SPON1: variants seen among roughly 807,000 people sequenced by gnomAD.
SPON1 encodes spondin-1.
A neutral mutation model predicts 111.7 loss-of-function variants in SPON1; 52 were observed. That is an observed-to-expected ratio of 0.47 (90% CI 0.37 to 0.59). SPON1 has a LOEUF of 0.59. Ranked by LOEUF, SPON1 falls within the 20% of genes least tolerant of loss-of-function variation. The probability of loss-of-function intolerance (pLI) is 0.00; values close to 1 mark genes in which losing one functional copy is unlikely to be tolerated. For missense variants in SPON1, 957 were observed against 1,068.5 expected, an observed-to-expected ratio of 0.90 and a Z score of 1.46; for synonymous variants, 410 against 395.8, an observed-to-expected ratio of 1.04 and a Z score of -0.43.
At chr11:14,150,689 A>G (rs1173098137) in intron 6 of SPON1, among the ~76,000 whole-genome samples, 2 of 152,202 alleles carry the variant, frequency 1.3e-5, no homozygotes, top group African/African-American at 2.4e-5. Flanking sequence ...AAAATGTCTC[A>G]TTAATGTTTT....
chr11:13,973,965 T>C (rs1848083318), intron 1 of SPON1, among the ~76,000 whole-genome samples: 1 of 152,224 alleles, frequency 6.6e-6, no homozygotes, highest in Admixed American at 6.5e-5. Flanking sequence ...GAGCACTGGC[T>C]GAAGAAGGCC....
At chr11:14,126,482 T>G (rs557460354) in intron 5 of SPON1, among the ~76,000 whole-genome samples, 12 of 152,200 alleles carry the variant, frequency 7.9e-5, no homozygotes, top group Admixed American at 4.6e-4. Context: ...TTTAGACAAA[T>G]GCACCTGGTT....
intron 2 of SPON1, among the ~76,000 whole-genome samples, chr11:14,017,452 G>T (rs782318763): frequency 6.6e-6 from 1 of 152,182 alleles, no homozygotes; most frequent in African/African-American, 2.4e-5. Flanking sequence ...TCGTGTGCCT[G>T]CCTTAGAGAT....
chr11:14,111,396 A>G (rs1849225866), intron 5 of SPON1, among the ~76,000 whole-genome samples: 1 of 152,210 alleles, frequency 6.6e-6, no homozygotes, highest in African/African-American at 2.4e-5. Context: ...CTCCAGCACC[A>G]TATCTGATAT....
At chr11:14,068,704 C>G (rs1848852024) in intron 3 of SPON1, among the ~76,000 whole-genome samples, 1 of 152,206 alleles carries the variant, frequency 6.6e-6, no homozygotes, top group African/African-American at 2.4e-5. Context: ...TGGTCAACCT[C>G]ATTTCTACCA....
intron 3 of SPON1, among the ~76,000 whole-genome samples, chr11:14,053,860 A>G (rs1321142442): frequency 1.3e-5 from 2 of 152,222 alleles, no homozygotes; most frequent in Non-Finnish European, 2.9e-5. Context: ...ACAGTGCAAC[A>G]AAGTCATATA....
At chr11:14,186,885 T>C (rs1848291293) in intron 6 of SPON1, among the ~76,000 whole-genome samples, 1 of 152,226 alleles carries the variant, frequency 6.6e-6, no homozygotes, top group Non-Finnish European at 1.5e-5. Context: ...ACCCCCATTT[T>C]GCAGGAGAGG....
chr11:14,122,960 A>T (rs1847412176), intron 5 of SPON1, among the ~76,000 whole-genome samples: 1 of 137,458 alleles, frequency 7.3e-6, no homozygotes, highest in African/African-American at 2.8e-5. Flanking sequence ...TTGAGACAGG[A>T]TCTCCTTCTG....
At position 14,257,852 on chromosome 11, in the gene SPON1, C is replaced by A; in HGVS notation, c.1446C>A (p.Asp482Glu). 1 of 1,586,372 alleles carries A rather than the reference C, an allele frequency of 6.3e-7. No individual in the cohort carries two copies. The highest frequency in any genetic ancestry group is 8.6e-7 in the Non-Finnish European group (1 of 1,166,910). ...AQLDLSVPCP[D>E]TQDFQPCMGP... The stretch of plus-strand genomic sequence containing the variant: ...TGGACCTCAGCGTCCCCTGCCCTGA[C>A]ACCCAGGACTTCCAGCCCTGCATGG... The change falls in exon 11 of 16, where the codon GAC (aspartate) becomes GAA (glutamate). Residue 482 changes from aspartate (D) to glutamate (E), a missense_variant. Asp to Glu is a conservative substitution (Grantham distance 45). Coordinates refer to ENST00000576479, the MANE Select transcript of SPON1 (RefSeq NM_006108.4).
intron 6 of SPON1, among the ~76,000 whole-genome samples, chr11:14,163,094 T>G (rs1847986425): frequency 1.3e-5 from 2 of 152,230 alleles, no homozygotes; most frequent in South Asian, 4.1e-4. Flanking sequence ...TGGAGATAGC[T>G]TCTTCCAATC....
intron 3 of SPON1, among the ~76,000 whole-genome samples, chr11:14,064,948 T>C (rs1324181266): frequency 6.6e-6 from 1 of 152,042 alleles, no homozygotes; most frequent in Non-Finnish European, 1.5e-5. Context: ...ATAGAATCTC[T>C]CCCCAAAGCA....
At chr11:13,976,783 C>G (rs1172748128) in intron 1 of SPON1, among the ~76,000 whole-genome samples, 3 of 152,142 alleles carry the variant, frequency 2.0e-5, no homozygotes, top group African/African-American at 7.2e-5. Context: ...GTAACCAGCA[C>G]CCAGATCAAG....
intron 6 of SPON1, among the ~76,000 whole-genome samples, chr11:14,155,037 T>C (rs1847827429): frequency 6.6e-6 from 1 of 152,148 alleles, no homozygotes; most frequent in African/African-American, 2.4e-5. Context: ...CCCAGTAAGT[T>C]CCTCATCTCC....
intron 5 of SPON1, among the ~76,000 whole-genome samples, chr11:14,085,396 A>C (rs2133835075): frequency 6.6e-6 from 1 of 152,296 alleles, no homozygotes; most frequent in South Asian, 2.1e-4. Context: ...CCATTGATTA[A>C]ATAGAGAATC....
At position 14,267,268 on chromosome 11, in the gene SPON1, A is replaced by AC. The variant is rs1228525835; in HGVS notation, c.*1583dup. 6.6e-6 allele frequency: 1 copy of AC among 152,000 alleles called. No homozygotes were observed. Among genetic ancestry groups the AC allele is most frequent in the Non-Finnish European group, 1.5e-5 (1 of 67,976 alleles). 9.4% of individuals were successfully genotyped at this position (152,000 alleles called of 1,614,324 possible). On this transcript the variant is annotated 3_prime_UTR_variant, in exon 16 of 16. Coordinates refer to ENST00000576479, the MANE Select transcript of SPON1 (RefSeq NM_006108.4). ...AAGGTTCTTTTTTATATTGTCCTCC[A>AC]CCTCCATCATTTTCAATAAAAGATA...
At chr11:14,192,416 A>G (rs1432586176) in intron 6 of SPON1, among the ~76,000 whole-genome samples, 1 of 152,176 alleles carries the variant, frequency 6.6e-6, no homozygotes, top group East Asian at 1.9e-4. Flanking sequence ...TGTAGCTTTG[A>G]CATTTTAAAG....
At chr11:14,129,848 A>G (rs1847506657) in intron 5 of SPON1, among the ~76,000 whole-genome samples, 1 of 152,214 alleles carries the variant, frequency 6.6e-6, no homozygotes, top group Admixed American at 6.5e-5. Flanking sequence ...GTGAAGGAGA[A>G]GCAGGCGCCT....
chr11:14,180,420 C>T (rs1033889498), intron 6 of SPON1, among the ~76,000 whole-genome samples: 4 of 152,246 alleles, frequency 2.6e-5, no homozygotes, highest in Non-Finnish European at 5.9e-5. Context: ...GCAGATATTT[C>T]ATGCTCTTTC....
intron 6 of SPON1, among the ~76,000 whole-genome samples, chr11:14,182,145 C>T (rs985766115): frequency 6.6e-6 from 1 of 152,178 alleles, no homozygotes; most frequent in South Asian, 2.1e-4. Context: ...GGGTCTCTAA[C>T]ACTCTTAAGC....
Sources: gnomAD v4.1 joint callset for allele counts (sites outside exome capture counted in the v4.1 genomes callset) on GRCh38, gnomAD v4.1.1 for gene constraint, MANE v1.5 for transcripts, NCBI Gene and HGNC (gene_info 2026-07-23, HGNC 2026-07-21) for gene names.